Variants in TMEM67 observed in about 807,000 individuals in gnomAD.
The protein encoded by TMEM67 is meckelin.
TMEM67 carries 124 observed loss-of-function variants against 136.6 expected under a neutral mutation model. That is an observed-to-expected ratio of 0.91 (90% CI 0.78 to 1.05). TMEM67 has a LOEUF of 1.05. Among genes scored for constraint, TMEM67 ranks in the 50% least tolerant of loss-of-function variants. TMEM67 has a pLI of 0.00. For missense variants in TMEM67, 1,107 were observed against 1,178.4 expected (o/e 0.94, Z 0.89); for synonymous variants, 364 against 390.5 (o/e 0.93, Z 0.80).
intron 12 of TMEM67, 32 bp from the exon 13 acceptor site, chr8:93,786,191 T>C: frequency 6.2e-7 from 1 of 1,606,728 alleles, no homozygotes; most frequent in South Asian, 1.1e-5. Flanking sequence ...TTTAAATTTG[T>C]GCAGTAAACT....
intron 26 of TMEM67, chr8:93,811,283 G>C (rs1367947153): frequency 3.9e-5 from 6 of 152,094 alleles, no homozygotes; most frequent in Non-Finnish European, 7.3e-5. Flanking sequence ...TAAAAAATCA[G>C]TAGCTGTTTG....
At position 93,805,503 on chromosome 8, in the gene TMEM67, C is replaced by T. The variant is rs778656151; in HGVS notation, c.2439+625C>T. Among the ~76,000 whole-genome samples the T allele has an allele frequency of 2.6e-5, 4 of 151,622 alleles. No homozygotes were observed. The South Asian group carries it at 8.3e-4, about 32-fold the overall frequency. On this transcript the variant is annotated intron_variant, in intron 23 of 27. Coordinates refer to ENST00000453321, the MANE Select transcript of TMEM67 (RefSeq NM_153704.6). ...GGAGGCTGAGGCAGAATGGCATGAACCTGGGAGGTGGAGCTTGCAGTGAGC... is the reference window on the plus strand; with the variant it reads ...GGAGGCTGAGGCAGAATGGCATGAATCTGGGAGGTGGAGCTTGCAGTGAGC...
chr8:93,828,676 C>T, the TMEM67 span, among the ~76,000 whole-genome samples: 4 of 148,452 alleles, frequency 2.7e-5, no homozygotes, highest in African/African-American at 1.0e-4. Context: ...ACCTGGGAGG[C>T]AGAGGTTGCA....
intron 3 of TMEM67, among the ~76,000 whole-genome samples, chr8:93,761,471 C>T (rs1028391601): frequency 6.6e-6 from 1 of 152,194 alleles, no homozygotes; most frequent in Admixed American, 6.5e-5. Context: ...GGAAAGCTCT[C>T]ATCTAGAAAT....
At chr8:93,779,703 T>C (rs566954654) in intron 7 of TMEM67, among the ~76,000 whole-genome samples, 5 of 152,124 alleles carry the variant, frequency 3.3e-5, no homozygotes, top group African/African-American at 1.2e-4. Context: ...CCAGCGGAGG[T>C]TGTAGAACAG....
At chr8:93,824,902 G>C in the TMEM67 span, among the ~76,000 whole-genome samples, 1 of 152,030 alleles carries the variant, frequency 6.6e-6, no homozygotes, top group Admixed American at 6.6e-5. Context: ...TTTTAGTAGA[G>C]ACGGGGTTTT....
At chr8:93,757,177 A>G (rs1298854959) in intron 2 of TMEM67, 3 of 152,062 alleles carry the variant, frequency 2.0e-5, no homozygotes, top group Admixed American at 1.3e-4. Context: ...ATTTCTTGAT[A>G]AATTCAGTCT....
chr8:93,830,605 G>A, the TMEM67 span, among the ~76,000 whole-genome samples: 1 of 152,190 alleles, frequency 6.6e-6, no homozygotes, highest in African/African-American at 2.4e-5. Context: ...TTTGGTGGTG[G>A]GGAGAAACTC....
At chr8:93,765,116 G>A (rs554412615) in intron 4 of TMEM67, among the ~76,000 whole-genome samples, 5 of 152,196 alleles carry the variant, frequency 3.3e-5, no homozygotes, top group Admixed American at 3.3e-4. Context: ...TTGCTCTCTT[G>A]TTAGTTGAGT....
chr8:93,758,462 A>G (rs201957056), intron 2 of TMEM67, 21 bp from the exon 3 acceptor site: 165 of 1,579,376 alleles, frequency 1.0e-4, no homozygotes, highest in Non-Finnish European at 6.1e-6. Context: ...AGAGAAAAGC[A>G]TTTTTTTTCT....
At chr8:93,810,745 A>T (rs1297776747) in intron 26 of TMEM67, among the ~76,000 whole-genome samples, 1 of 152,220 alleles carries the variant, frequency 6.6e-6, no homozygotes, top group Non-Finnish European at 1.5e-5. Flanking sequence ...TCAACAGTCC[A>T]CATGGAAGAG....
intron 4 of TMEM67, among the ~76,000 whole-genome samples, 193 bp downstream of exon 4, chr8:93,764,134 G>T (rs556788468): frequency 7.2e-5 from 11 of 152,270 alleles, no homozygotes; most frequent in Admixed American, 2.0e-4. Flanking sequence ...TTTTGGTCCA[G>T]TCTGTTAGTT....
chr8:93,796,909 G>A (rs1274785984), intron 18 of TMEM67, among the ~76,000 whole-genome samples: 2 of 152,130 alleles, frequency 1.3e-5, no homozygotes, highest in Non-Finnish European at 2.9e-5. Flanking sequence ...AAAGAAAAAG[G>A]GAAGGTAAAT....
downstream of TMEM67, chr8:93,818,200 C>T (rs973525504): frequency 3.9e-5 from 6 of 152,130 alleles, no homozygotes; most frequent in Admixed American, 1.3e-4. Flanking sequence ...GATTCATTAC[C>T]CTTTGTCTAT....
At chr8:93,802,647 A>G (rs1814917310) in intron 21 of TMEM67, among the ~76,000 whole-genome samples, 1 of 152,188 alleles carries the variant, frequency 6.6e-6, no homozygotes, top group Non-Finnish European at 1.5e-5. Context: ...GATTCTAATA[A>G]TTGTTCACTC....
chr8:93,803,546 G>A, intron 21 of TMEM67, 58 bp from the exon 22 acceptor site: 1 of 1,171,910 alleles, frequency 8.5e-7, no homozygotes, highest in Non-Finnish European at 1.3e-6. Flanking sequence ...CACTGTGGCT[G>A]TAAAAGAAAA....
At chr8:93,772,543 T>TG in intron 6 of TMEM67, 46 bp from the exon 7 acceptor site, 1 of 1,371,588 alleles carries the variant, frequency 7.3e-7, no homozygotes, top group Non-Finnish European at 1.0e-6. Flanking sequence ...ATATGCATAT[T>TG]GGAGTCATTT....
intron 3 of TMEM67, chr8:93,759,990 A>AT: frequency 6.6e-7 from 1 of 1,521,228 alleles, no homozygotes. Flanking sequence ...AATTGAAGAA[A>AT]TTTGTGAGTA....
intron 26 of TMEM67, 124 bp from the exon 27 acceptor site, chr8:93,815,180 AG>A: frequency 1.8e-6 from 1 of 549,510 alleles, no homozygotes; most frequent in Non-Finnish European, 3.1e-6. Context: ...TAAGCCATGA[AG>A]TATTGTATAC....
Sources: gnomAD v4.1 joint callset for allele counts (sites outside exome capture counted in the v4.1 genomes callset) on GRCh38, gnomAD v4.1.1 for gene constraint, MANE v1.5 for transcripts, NCBI Gene and HGNC (gene_info 2026-07-23, HGNC 2026-07-21) for gene names.